Variants in ANKRD45 observed in about 807,000 individuals in gnomAD.
ANKRD45 encodes the protein ankyrin repeat domain 45.
In ANKRD45, 21 loss-of-function variants were observed where a neutral mutation model predicts 28.1. The observed-to-expected ratio is 0.75, with a 90% CI of 0.53 to 1.08. ANKRD45 has a LOEUF of 1.08. Ranked by LOEUF, ANKRD45 falls within the 50% of genes least tolerant of loss-of-function variation. ANKRD45 has a pLI of 0.00. For synonymous variants in ANKRD45, 86 were observed against 103.9 expected, an observed-to-expected ratio of 0.83 and a Z score of 1.05; for missense variants, 261 against 308.7, an observed-to-expected ratio of 0.85 and a Z score of 1.16.
At chr1:173,633,560 AT>A (rs1668287368) in intron 3 of ANKRD45, among the ~76,000 whole-genome samples, 1 of 152,110 alleles carries the variant, frequency 6.6e-6, no homozygotes, top group Non-Finnish European at 1.5e-5. Context: ...AAACAAAAAC[AT>A]AAAAACTGAA....
At chr1:173,700,989 C>A in the ANKRD45 span, among the ~76,000 whole-genome samples, 2 of 152,056 alleles carry the variant, frequency 1.3e-5, no homozygotes, top group Non-Finnish European at 2.9e-5. Flanking sequence ...AAAAGCAACC[C>A]CATCAAAAAG....
upstream of ANKRD45, among the ~76,000 whole-genome samples, chr1:173,673,384 A>C (rs1245764533): frequency 6.6e-6 from 1 of 152,088 alleles, no homozygotes; most frequent in Non-Finnish European, 1.5e-5. Context: ...AAGTGCTAGG[A>C]TTACAGGCAT....
intron 3 of ANKRD45, among the ~76,000 whole-genome samples, chr1:173,627,751 C>T (rs1240882254): frequency 6.6e-6 from 1 of 152,006 alleles, no homozygotes; most frequent in African/African-American, 2.4e-5. Flanking sequence ...GGATCAGAGC[C>T]AGTGGACTTG....
At chr1:173,649,133 ATTGT>A (rs760910448) in intron 2 of ANKRD45, among the ~76,000 whole-genome samples, 8 of 152,116 alleles carry the variant, frequency 5.3e-5, no homozygotes, top group Admixed American at 6.5e-5. Context: ...CTACCCTTCT[ATTGT>A]TTATTTCCAA....
the ANKRD45 span, among the ~76,000 whole-genome samples, chr1:173,699,771 C>A: frequency 6.6e-6 from 1 of 152,166 alleles, no homozygotes. Flanking sequence ...AAGACAGGGA[C>A]GCCCTCTCTC....
the ANKRD45 span, among the ~76,000 whole-genome samples, chr1:173,689,354 GCT>G: frequency 2.6e-5 from 4 of 152,156 alleles, no homozygotes; most frequent in East Asian, 1.9e-4. Context: ...CTCCCTGGAA[GCT>G]CTGTCTAGAC....
the ANKRD45 span, among the ~76,000 whole-genome samples, chr1:173,679,259 A>C: frequency 3.3e-5 from 5 of 152,228 alleles, no homozygotes; most frequent in Non-Finnish European, 7.3e-5. Flanking sequence ...AGCAAAAAGA[A>C]CAAAGCTGGA....
chr1:173,668,525 C>T lies in ANKRD45; in HGVS notation c.-16+1292G>A, dbSNP rs192605824. 7.9e-4 allele frequency among the ~76,000 whole-genome samples: 120 copies of T among 152,312 alleles called. 1 individual carries two copies. Among genetic ancestry groups the T allele is most frequent in the Admixed American group, 7.6e-3 (117 of 15,306 alleles). ...AAGGGAAGGCAAAGGGACCCTGACC[C>T]GTCCCCATAACTGATTCCGTGAGCC... On this transcript the variant is annotated intron_variant, in intron 1 of 5. Transcript: ENST00000333279.
At chr1:173,694,537 A>T in the ANKRD45 span, among the ~76,000 whole-genome samples, 6 of 24,762 alleles carry the variant, frequency 2.4e-4, no homozygotes, top group Admixed American at 2.0e-3. Context: ...TAAGAAGTTT[A>T]TTATTATTAT....
intron 1 of ANKRD45, chr1:173,667,690 G>C (rs530605743): frequency 5.8e-5 from 25 of 429,278 alleles, no homozygotes; most frequent in African/African-American, 4.8e-4. Context: ...TGGCACAACA[G>C]AATGAGACCC....
intron 5 of ANKRD45, among the ~76,000 whole-genome samples, chr1:173,615,738 A>T (rs750118585): frequency 2.6e-5 from 4 of 152,226 alleles, no homozygotes; most frequent in Non-Finnish European, 5.9e-5. Context: ...AAATTTTCAT[A>T]CAACAGTTCA....
chr1:173,652,493 T>C (rs1431233303), intron 2 of ANKRD45, among the ~76,000 whole-genome samples: 1 of 152,226 alleles, frequency 6.6e-6, no homozygotes, highest in East Asian at 1.9e-4. Context: ...CTGGATTCTA[T>C]TTGCCAGTAT....
the ANKRD45 span, among the ~76,000 whole-genome samples, chr1:173,700,710 A>G: frequency 1.3e-5 from 2 of 152,256 alleles, no homozygotes; most frequent in African/African-American, 4.8e-5. Context: ...ACCTAAAACC[A>G]CAAAAACCCA....
the ANKRD45 span, among the ~76,000 whole-genome samples, chr1:173,702,283 G>A: frequency 1.1e-4 from 17 of 152,156 alleles, no homozygotes; most frequent in African/African-American, 3.9e-4. Flanking sequence ...GATGAATGCA[G>A]GCTTAGACAA....
At chr1:173,707,612 C>G in the ANKRD45 span, among the ~76,000 whole-genome samples, 6 of 152,156 alleles carry the variant, frequency 3.9e-5, no homozygotes, top group Non-Finnish European at 7.3e-5. Context: ...GGATTACAGG[C>G]ATGAGCCACC....
chr1:173,712,015 T>C, the ANKRD45 span, among the ~76,000 whole-genome samples: 5 of 152,220 alleles, frequency 3.3e-5, no homozygotes, highest in Non-Finnish European at 7.3e-5. Context: ...AACATTTTCA[T>C]ACCTATACTA....
At chr1:173,667,802 CTT>C (rs1670090273) in intron 1 of ANKRD45, 3 of 392,142 alleles carry the variant, frequency 7.7e-6, no homozygotes, top group South Asian at 5.9e-5. Context: ...TTAAAATACT[CTT>C]CCCTTTTCCA....
chr1:173,686,153 T>C, the ANKRD45 span, among the ~76,000 whole-genome samples: 2 of 152,150 alleles, frequency 1.3e-5, no homozygotes, highest in Admixed American at 1.3e-4. Flanking sequence ...GGTACTTTTC[T>C]GAAGTAGGGA....
At chr1:173,643,171 ATTTT>A (rs370267609) in intron 3 of ANKRD45, among the ~76,000 whole-genome samples, 1 of 132,246 alleles carries the variant, frequency 7.6e-6, no homozygotes, top group Admixed American at 7.5e-5. Context: ...TTGCCTGAGA[ATTTT>A]TTTTTTTTTT....
Sources: allele counts gnomAD v4.1 joint callset (sites outside exome capture counted in the v4.1 genomes callset), GRCh38; gene constraint gnomAD v4.1.1; transcripts MANE v1.5; gene names NCBI Gene and HGNC (gene_info 2026-07-23, HGNC 2026-07-21).